The following NLGN1 variants were observed in gnomAD, a reference collection of about 807,000 sequenced individuals.
NLGN1 encodes the protein neuroligin-1.
In NLGN1, 12 loss-of-function variants were observed where a neutral mutation model predicts 65.5. The ratio of observed to expected loss-of-function variants is 0.18; its 90% CI spans 0.12 to 0.30. NLGN1 has a LOEUF of 0.30. Ranked by LOEUF, NLGN1 falls within the 10% of genes least tolerant of loss-of-function variation. The pLI is 1.00. For synonymous variants in NLGN1, 350 were observed against 359.5 expected (o/e 0.97, Z 0.30); for missense variants, 750 against 1,007.1 (o/e 0.74, Z 3.46).
chr3:173,471,472 G>A (rs1350763848), intron 2 of NLGN1, among the ~76,000 whole-genome samples: 4 of 152,014 alleles, frequency 2.6e-5, no homozygotes, highest in African/African-American at 9.7e-5. Flanking sequence ...TTCTATCTGT[G>A]TATGTAGCTC....
chr3:173,528,175 G>A (rs1735967145), intron 2 of NLGN1, among the ~76,000 whole-genome samples: 1 of 152,146 alleles, frequency 6.6e-6, no homozygotes, highest in African/African-American at 2.4e-5. Flanking sequence ...CTTAGTGTTT[G>A]CTTGTCTGGA....
chr3:173,489,074 CT>C (rs377346430), intron 2 of NLGN1, among the ~76,000 whole-genome samples: 1,649 of 150,854 alleles, frequency 0.011, 29 homozygotes, highest in African/African-American at 0.039. Flanking sequence ...TTTCTGCTTA[CT>C]TTTTTTTTCT....
At chr3:173,870,265 T>C (rs1329230038) in intron 4 of NLGN1, among the ~76,000 whole-genome samples, 2 of 152,202 alleles carry the variant, frequency 1.3e-5, no homozygotes, top group African/African-American at 4.8e-5. Context: ...TTACATATAT[T>C]TCCTCTTGCT....
At chr3:173,559,512 C>A (rs1742302788) in intron 2 of NLGN1, among the ~76,000 whole-genome samples, 1 of 152,316 alleles carries the variant, frequency 6.6e-6, no homozygotes, top group African/African-American at 2.4e-5. Context: ...TTCTAGCACC[C>A]ACCATGCTTC....
chr3:173,706,557 A>G (rs1001899761), intron 3 of NLGN1, among the ~76,000 whole-genome samples: 3 of 152,140 alleles, frequency 2.0e-5, no homozygotes, highest in African/African-American at 7.2e-5. Context: ...GTCCTTAACC[A>G]TCTTTTATGT....
At chr3:174,052,125 G>A (rs186197491) in intron 4 of NLGN1, among the ~76,000 whole-genome samples, 21 of 152,134 alleles carry the variant, frequency 1.4e-4, no homozygotes, top group African/African-American at 5.1e-4. Flanking sequence ...ATATTGAGAT[G>A]TCACTGGGCT....
intron 4 of NLGN1, among the ~76,000 whole-genome samples, chr3:173,832,404 A>AATT (rs1722776802): frequency 6.6e-6 from 1 of 152,208 alleles, no homozygotes; most frequent in Admixed American, 6.6e-5. Context: ...TTGTTTTTGG[A>AATT]TAATACAGGA....
intron 4 of NLGN1, among the ~76,000 whole-genome samples, chr3:174,003,616 A>C (rs1340499733): frequency 6.6e-6 from 1 of 152,188 alleles, no homozygotes; most frequent in Non-Finnish European, 1.5e-5. Context: ...CAAGAATAAG[A>C]AAGAATTTTT....
At chr3:173,956,752 A>C (rs184049801) in intron 4 of NLGN1, among the ~76,000 whole-genome samples, 5 of 152,204 alleles carry the variant, frequency 3.3e-5, no homozygotes, top group Non-Finnish European at 7.3e-5. Flanking sequence ...AAGCATAATG[A>C]TACTGGTCAT....
intron 3 of NLGN1, among the ~76,000 whole-genome samples, chr3:173,667,994 G>A (rs1315045543): frequency 6.6e-6 from 1 of 152,106 alleles, no homozygotes; most frequent in African/African-American, 2.4e-5. Flanking sequence ...AATGTATTAT[G>A]TCTCATTCAT....
chr3:173,619,129 C>T lies in NLGN1; in HGVS notation c.493+14038C>T, dbSNP rs778913892. Among the ~76,000 whole-genome samples the T allele has an allele frequency of 2.6e-4, 40 of 152,086 alleles. 1 individual carries two copies. The highest frequency in any genetic ancestry group is 5.3e-4 in the Non-Finnish European group (36 of 68,000). ...GTTTCCTGGTTTTGCTGGCATTTTC[C>T]CCATGGTGCACATCAGTAAATGTTC... On this transcript the variant is annotated intron_variant, in intron 3 of 6. Transcript: ENST00000457714.
In NLGN1 at chr3:173,494,510, G is replaced by A. The variant is rs1729699138; in HGVS notation, c.-321+59432G>A. Among the ~76,000 whole-genome samples the A allele has an allele frequency of 2.6e-5, 4 of 151,396 alleles. No homozygotes were observed. In the South Asian group the frequency reaches 8.3e-4, roughly 31 times the overall value. Reference sequence around the variant, plus strand: ...TGCTTTCCTATTCATTTTCTTAATGGTGTTTTTCAAAGATTAGAATTTTTT... The same window carrying A: ...TGCTTTCCTATTCATTTTCTTAATGATGTTTTTCAAAGATTAGAATTTTTT... On this transcript the variant is annotated intron_variant, in intron 2 of 6. Coordinates refer to ENST00000457714, the Ensembl canonical transcript of NLGN1.
intron 4 of NLGN1, among the ~76,000 whole-genome samples, chr3:173,980,505 C>T (rs955467978): frequency 1.2e-4 from 18 of 151,914 alleles, no homozygotes; most frequent in African/African-American, 3.9e-4. Flanking sequence ...TAGTTTATTT[C>T]TATTTTTTCC....
intron 3 of NLGN1, among the ~76,000 whole-genome samples, chr3:173,725,904 C>T (rs573265175): frequency 2.0e-5 from 3 of 152,064 alleles, no homozygotes; most frequent in Non-Finnish European, 2.9e-5. Context: ...TAGATGCTGC[C>T]GCTGTTCCTT....
At chr3:173,938,099 G>A (rs1028883319) in intron 4 of NLGN1, among the ~76,000 whole-genome samples, 1 of 152,124 alleles carries the variant, frequency 6.6e-6, no homozygotes, top group African/African-American at 2.4e-5. Flanking sequence ...TTAAAAGAGG[G>A]TCCTTTTCTT....
intron 3 of NLGN1, among the ~76,000 whole-genome samples, chr3:173,742,864 AT>A (rs1211230513): frequency 6.6e-6 from 1 of 152,094 alleles, no homozygotes; most frequent in East Asian, 1.9e-4. Flanking sequence ...CAGAAAATAC[AT>A]TTCTTTCATG....
intron 2 of NLGN1, among the ~76,000 whole-genome samples, chr3:173,600,871 G>A (rs1750417130): frequency 6.6e-6 from 1 of 151,784 alleles, no homozygotes; most frequent in Non-Finnish European, 1.5e-5. Flanking sequence ...TGAAAGATTG[G>A]ATGAATGTGG....
intron 4 of NLGN1, among the ~76,000 whole-genome samples, chr3:174,181,599 G>A (rs1457065332): frequency 6.6e-6 from 1 of 152,018 alleles, no homozygotes; most frequent in African/African-American, 2.4e-5. Flanking sequence ...AATATTTGTT[G>A]ACTGGGAAAC....
intron 3 of NLGN1, among the ~76,000 whole-genome samples, chr3:173,646,638 A>G (rs1459507837): frequency 6.6e-6 from 1 of 152,200 alleles, no homozygotes; most frequent in East Asian, 1.9e-4. Context: ...ACATATCAAT[A>G]AAAAGATGTC....
Sources: allele counts gnomAD v4.1 joint callset (sites outside exome capture counted in the v4.1 genomes callset), GRCh38; gene constraint gnomAD v4.1.1; transcripts MANE v1.5; gene names NCBI Gene and HGNC (gene_info 2026-07-23, HGNC 2026-07-21).